RFWD3: variants seen among roughly 807,000 people sequenced by gnomAD.
RFWD3 encodes the protein E3 ubiquitin-protein ligase RFWD3.
Under a neutral mutation model 87.7 loss-of-function variants are expected in RFWD3, and 65 were observed. That is an observed-to-expected ratio of 0.74 (90% CI 0.61 to 0.91). The LOEUF (loss-of-function observed/expected upper bound fraction) is 0.91, where lower values mean the gene tolerates loss of function less well. RFWD3 is among the 40% of genes least tolerant of loss of function. The pLI is 0.00. For synonymous variants in RFWD3, 433 were observed against 352.8 expected, an observed-to-expected ratio of 1.23 and a Z score of -2.55; for missense variants, 1,078 against 938.5, an observed-to-expected ratio of 1.15 and a Z score of -1.94.
rs1237648476 is a variant in RFWD3 at position 74,661,435 on chromosome 16, T to C, written c.15A>G (p.Ala5=). ...ACTGCACCTGAACATCATATTCCAT[T>C]GCTTCATGAGCCATCACTAGAGAAA... The part of the protein sequence containing the change: MAHE[A]MEYDVQVQLN... The change falls in exon 2 of 13, where the codon GCA becomes GCG. Residue 5 remains alanine, a synonymous_variant. Transcript: ENST00000361070. 6.2e-7 allele frequency: 1 copy of C among 1,610,036 alleles called. No individual in the cohort carries two copies. Among genetic ancestry groups the C allele is most frequent in the Non-Finnish European group, 8.5e-7 (1 of 1,178,558 alleles).
chr16:74,657,478 CTT>C (rs386385075), intron 2 of RFWD3, among the ~76,000 whole-genome samples: 3 of 122,694 alleles, frequency 2.4e-5, no homozygotes, highest in Admixed American at 9.5e-5. Context: ...TTTTCTTTTT[CTT>C]TTTTTTTTTT....
chr16:74,662,397 A>G (rs141811722), intron 1 of RFWD3, among the ~76,000 whole-genome samples: 1 of 152,350 alleles, frequency 6.6e-6, no homozygotes, highest in East Asian at 1.9e-4. Context: ...CCTGTTATGC[A>G]GACAAGACAC....
At chr16:74,665,773 T>A (rs1189576953) in intron 1 of RFWD3, among the ~76,000 whole-genome samples, 1 of 149,418 alleles carries the variant, frequency 6.7e-6, no homozygotes, top group Admixed American at 6.7e-5. Context: ...TGAGATGGAG[T>A]TTCACTCTTG....
intron 1 of RFWD3, chr16:74,664,366 C>G (rs1000186609): frequency 2.0e-5 from 3 of 152,236 alleles, no homozygotes; most frequent in Non-Finnish European, 4.4e-5. Context: ...GCAACTCAGC[C>G]TTCAGGAAGA....
chr16:74,649,036 T>C (rs1422068453), intron 4 of RFWD3, 96 bp downstream of exon 4: 2 of 698,178 alleles, frequency 2.9e-6, no homozygotes, highest in South Asian at 1.9e-5. Flanking sequence ...GAGTTATGAC[T>C]GCACCACTGC....
chr16:74,652,181 T>C, intron 2 of RFWD3, 59 bp from the exon 3 acceptor site: 1 of 1,474,222 alleles, frequency 6.8e-7, no homozygotes, highest in Non-Finnish European at 9.4e-7. Flanking sequence ...ACAAAAACAA[T>C]CTATAGTGAT....
chr16:74,644,100 G>C, intron 6 of RFWD3: 1 of 530,562 alleles, frequency 1.9e-6, no homozygotes. Context: ...AGGGATATGA[G>C]AAGCAAAAAT....
chr16:74,634,278 T>TG (rs993045237), intron 8 of RFWD3, among the ~76,000 whole-genome samples: 1 of 151,958 alleles, frequency 6.6e-6, no homozygotes, highest in South Asian at 2.1e-4. Context: ...ATTACTGAAG[T>TG]GGGGGGAAAA....
Position 74,644,678 on chromosome 16 carries a change from C to T in RFWD3, c.850G>A (p.Gly284Arg). The change falls in exon 5 of 13, where the codon GGG becomes AGG. Residue 284 changes from glycine to arginine, a missense_variant. By Grantham distance (125) the Gly-to-Arg change is moderately radical. Coordinates refer to ENST00000361070, the MANE Select transcript of RFWD3 (RefSeq NM_018124.4). ...LPSASMDEEE[G>R]DTCTICLEQW... Reference sequence around the variant, plus strand: ...TCCAGACATATTGTACAAGTGTCCCCTTCTTCCTCATCCATAGAAGCAGAA... The same window carrying T: ...TCCAGACATATTGTACAAGTGTCCCTTTCTTCCTCATCCATAGAAGCAGAA... 3.1e-6 allele frequency: 5 copies of T among 1,614,240 alleles called. No homozygotes were observed. The African/African-American group carries it at 4.0e-5, about 13-fold the overall frequency.
intron 6 of RFWD3, chr16:74,644,027 T>C: frequency 2.9e-6 from 1 of 350,164 alleles, no homozygotes; most frequent in Non-Finnish European, 5.4e-6. Context: ...TACATTGCAC[T>C]GCATGTGCAA....
At chr16:74,644,283 G>T in intron 6 of RFWD3, 79 bp downstream of exon 6, 1 of 1,367,408 alleles carries the variant, frequency 7.3e-7, no homozygotes, top group South Asian at 1.2e-5. Flanking sequence ...CACTACGAGT[G>T]ACTCATAACT....
In RFWD3 at chr16:74,652,009, G is replaced by C; in HGVS notation, c.632C>G (p.Ser211Cys). The C allele has an allele frequency of 6.2e-7, 1 of 1,614,020 alleles. No individual in the cohort carries two copies. Among genetic ancestry groups the C allele is most frequent in the Non-Finnish European group, 8.5e-7 (1 of 1,179,996 alleles). ...RNPVSEELQV[S>C]SSSDSDSDSS... The stretch of plus-strand genomic sequence containing the variant: ...GTCACTGTCAGAATCAGAACTACTA[G>C]ACACCTGCAACTCTTCAGATACAGG... Residue 211 changes from serine to cysteine, a missense_variant, in exon 3 of 13, where the codon TCT becomes TGT. By Grantham distance (112) the Ser-to-Cys change is moderately radical. Transcript: ENST00000361070.
intron 8 of RFWD3, among the ~76,000 whole-genome samples, chr16:74,633,839 A>G (rs1284650718): frequency 6.6e-6 from 1 of 151,800 alleles, no homozygotes; most frequent in East Asian, 1.9e-4. Context: ...AGTCCCAGTT[A>G]CTCAAGAGGC....
intron 1 of RFWD3, among the ~76,000 whole-genome samples, chr16:74,665,886 T>A (rs1961849280): frequency 6.6e-6 from 1 of 151,790 alleles, no homozygotes; most frequent in African/African-American, 2.4e-5. Context: ...AGCTGGGAAA[T>A]GGGGTTTCTC....
intron 1 of RFWD3, among the ~76,000 whole-genome samples, chr16:74,662,226 C>G (rs1961504577): frequency 6.6e-6 from 1 of 152,136 alleles, no homozygotes; most frequent in Non-Finnish European, 1.5e-5. Context: ...CCTCCTCATG[C>G]ATCAGGACAA....
At chr16:74,657,624 C>T (rs1431335365) in intron 2 of RFWD3, among the ~76,000 whole-genome samples, 2 of 151,960 alleles carry the variant, frequency 1.3e-5, no homozygotes, top group African/African-American at 4.8e-5. Flanking sequence ...TATGGGCACC[C>T]GCCACCACAC....
chr16:74,633,115 A>G (rs1486154727), intron 8 of RFWD3, among the ~76,000 whole-genome samples: 1 of 152,010 alleles, frequency 6.6e-6, no homozygotes, highest in Non-Finnish European at 1.5e-5. Flanking sequence ...TGTCTCTACT[A>G]AAACACAAAA....
intron 8 of RFWD3, 107 bp downstream of exon 8, chr16:74,636,239 G>A: frequency 1.0e-6 from 1 of 971,472 alleles, no homozygotes; most frequent in Non-Finnish European, 1.6e-6. Flanking sequence ...GAACTAATAG[G>A]GAAAGGTGAT....
intron 6 of RFWD3, among the ~76,000 whole-genome samples, chr16:74,642,388 T>C (rs1298616347): frequency 6.6e-6 from 1 of 152,096 alleles, no homozygotes; most frequent in Non-Finnish European, 1.5e-5. Flanking sequence ...CCTCCCAGAG[T>C]GCTAGGATTT....
Sources: gnomAD v4.1 joint callset for allele counts (sites outside exome capture counted in the v4.1 genomes callset) on GRCh38, gnomAD v4.1.1 for gene constraint, MANE v1.5 for transcripts, NCBI Gene and HGNC (gene_info 2026-07-23, HGNC 2026-07-21) for gene names.